STAB1: variants seen among roughly 807,000 people sequenced by gnomAD.
The protein encoded by STAB1 is stabilin 1, also known as stabilin-1.
STAB1 carries 250 observed loss-of-function variants against 332.4 expected under a neutral mutation model. That is an observed-to-expected ratio of 0.75 (90% CI 0.68 to 0.84). The LOEUF (loss-of-function observed/expected upper bound fraction) is 0.84. Among genes scored for constraint, STAB1 ranks in the 40% least tolerant of loss-of-function variants. The probability of loss-of-function intolerance (pLI) is 0.00; values close to 1 mark genes in which losing one functional copy is unlikely to be tolerated. For missense variants in STAB1, 3,249 were observed against 3,489.7 expected, an observed-to-expected ratio of 0.93 and a Z score of 1.74; for synonymous variants, 1,475 against 1,390.4, an observed-to-expected ratio of 1.06 and a Z score of -1.35.
chr3:52,503,157 G>A, intron 7 of STAB1, 48 bp downstream of exon 7: 1 of 1,528,850 alleles, frequency 6.5e-7, no homozygotes, highest in South Asian at 1.2e-5. Context: ...GGCGGGCGGG[G>A]GCTGGGAGAG....
chr3:52,517,886 T>C lies in STAB1; in HGVS notation c.4644T>C (p.Asn1548=), dbSNP rs764007435. The C allele has an allele frequency of 5.0e-6, 8 of 1,612,082 alleles. No individual in the cohort carries two copies. Among genetic ancestry groups the C allele is most frequent in the Non-Finnish European group, 6.8e-6 (8 of 1,179,718 alleles). ...CTCTCCTGTCCCTGACTCAGAACAATGGAGGATGCAGCCCATATGCCACCT... is the reference window on the plus strand; with the variant it reads ...CTCTCCTGTCCCTGACTCAGAACAACGGAGGATGCAGCCCATATGCCACCT... ...CELLDPCSKN[N]GGCSPYATCK... is the part of the protein sequence containing the mutation. The change falls in exon 45 of 69, where the codon AAT becomes AAC. Residue 1548 remains asparagine (N), a synonymous_variant. Coordinates refer to ENST00000321725, the MANE Select transcript of STAB1 (RefSeq NM_015136.3).
chr3:52,519,390 G>C lies in STAB1; in HGVS notation c.5161G>C (p.Ala1721Pro). ...GGCGCTGCACTGGGAGCCTGATGAT[G>C]CTCCCATCCCGAGGGTATGACAAGC... is the stretch of plus-strand genomic sequence containing the variant. ...PEALHWEPDDAPIPRRNVTAA... is the reference protein window; with the variant it reads ...PEALHWEPDDPPIPRRNVTAA... Residue 1721 changes from alanine (A) to proline (P), a missense_variant, in exon 49 of 69, where the codon GCT becomes CCT. Ala to Pro is a conservative substitution (Grantham distance 27). Transcript: ENST00000321725. 6.2e-7 allele frequency: 1 copy of C among 1,613,076 alleles called. No individual in the cohort carries two copies. The highest frequency in any genetic ancestry group is 8.5e-7 in the Non-Finnish European group (1 of 1,179,980).
chr3:52,519,737 G>A, intron 50 of STAB1, 173 bp downstream of exon 50: 2 of 1,160,800 alleles, frequency 1.7e-6, no homozygotes, highest in South Asian at 3.0e-5. Context: ...ACCCCAGGTT[G>A]AGCACATGGG....
chr3:52,512,585 C>G lies in STAB1; in HGVS notation c.2980-11C>G. On this transcript the variant is annotated splice_polypyrimidine_tract_variant and intron_variant, in intron 27 of 68. Coordinates refer to ENST00000321725, the MANE Select transcript of STAB1 (RefSeq NM_015136.3). ...CTGGTCCTGTGACCTCAGACTTTTC[C>G]CTTCCCTTAGGAGCTGGAGGCAAAT... The G allele has an allele frequency of 6.2e-7, 1 of 1,613,916 alleles. No individual in the cohort carries two copies. Among genetic ancestry groups the G allele is most frequent in the Non-Finnish European group, 8.5e-7 (1 of 1,180,008 alleles).
chr3:52,506,347 C>T (rs1708864151), intron 17 of STAB1, 97 bp downstream of exon 17: 3 of 1,123,384 alleles, frequency 2.7e-6, no homozygotes, highest in Admixed American at 2.0e-5. Context: ...CCGTGGTGGG[C>T]AGGACACTGC....
At chr3:52,514,086 C>A (rs1174887707) in intron 32 of STAB1, 29 bp from the exon 33 acceptor site, 16 of 1,609,956 alleles carry the variant, frequency 9.9e-6, no homozygotes, top group Non-Finnish European at 1.4e-5. Context: ...AACTAATATG[C>A]CCATCCCTGA....
intron 10 of STAB1, 21 bp downstream of exon 10, chr3:52,504,176 C>T: frequency 6.4e-7 from 1 of 1,573,218 alleles, no homozygotes; most frequent in East Asian, 2.3e-5. Context: ...CCACTGCTTG[C>T]CCACGACCCG....
rs777489197 is a variant in STAB1 at position 52,522,430 on chromosome 3, C to G, written c.6566C>G (p.Pro2189Arg). The change falls in exon 60 of 69, where the codon CCG becomes CGG. Residue 2189 changes from proline (P) to arginine (R), a missense_variant. By Grantham distance (103) the Pro-to-Arg change is moderately radical. Coordinates refer to ENST00000321725, the MANE Select transcript of STAB1 (RefSeq NM_015136.3). Reference protein sequence around the residue: ...PPVDRCLGQPPPCHSDAMCTD... With the variant: ...PPVDRCLGQPRPCHSDAMCTD... The stretch of plus-strand genomic sequence containing the variant: ...GTGGACCGCTGCTTGGGCCAGCCAC[C>G]GCCCTGCCACTCAGATGCCATGTGC... The G allele has an allele frequency of 1.2e-6, 2 of 1,613,040 alleles. No homozygotes were observed. Among genetic ancestry groups the G allele is most frequent in the Admixed American group, 3.3e-5 (2 of 60,028 alleles).
chr3:52,504,496 C>A lies in STAB1; in HGVS notation c.1186C>A (p.Pro396Thr), dbSNP rs1301920150. Residue 396 changes from proline to threonine, a missense_variant, in exon 11 of 69, where the codon CCT becomes ACT. Pro to Thr is a conservative substitution (Grantham distance 38). Coordinates refer to ENST00000321725, the MANE Select transcript of STAB1 (RefSeq NM_015136.3). ...CCGGGAAATCCTTACCACAGCGGGC[C>A]CTTTCACCGTGCTGGTGCCATCCGT... The part of the protein sequence containing the change: ...GCREILTTAG[P>T]FTVLVPSVSS... The A allele has an allele frequency of 6.2e-7, 1 of 1,613,966 alleles. No individual in the cohort carries two copies. Among genetic ancestry groups the A allele is most frequent in the Non-Finnish European group, 8.5e-7 (1 of 1,180,024 alleles).
Position 52,506,908 on chromosome 3 carries a change from G to A in STAB1, c.1989+58G>A, listed in dbSNP as rs1431365536. ...CACTAACCCCTGTCAGCGCTGGAGC[G>A]GCAATCCTCTTCCCAGGGAGAGGCG... On this transcript the variant is annotated intron_variant, in intron 18 of 68. Transcript: ENST00000321725. 1.3e-5 allele frequency: 20 copies of A among 1,585,844 alleles called. No homozygotes were observed. In the East Asian group the frequency reaches 2.7e-4, roughly 21 times the overall value.
At chr3:52,501,603 C>T (rs199948780) in intron 2 of STAB1, 35 bp from the exon 3 acceptor site, 1 of 1,528,528 alleles carries the variant, frequency 6.5e-7, no homozygotes, top group East Asian at 2.5e-5. Flanking sequence ...TGCAAGGGAG[C>T]CTTTTCCATC....
rs1465193536 is a variant in STAB1 at position 52,523,209 on chromosome 3, T to C, written c.7021-13T>C. 3 of 1,612,962 alleles carry C rather than the reference T, an allele frequency of 1.9e-6. No homozygotes were observed. The Admixed American group carries it at 5.0e-5, about 27-fold the overall frequency. On this transcript the variant is annotated splice_polypyrimidine_tract_variant and intron_variant, in intron 63 of 68. Transcript: ENST00000321725. The stretch of plus-strand genomic sequence containing the variant: ...GGGAGCCTGCTCATAGTTCTGTCTT[T>C]CCACCGTGCCAGATGCTATTGGGCT...
Position 52,518,878 on chromosome 3 carries a change from T to C in STAB1, c.5034+9T>C. 10 of 1,522,842 alleles carry C rather than the reference T, an allele frequency of 6.6e-6. No individual in the cohort carries two copies. Among genetic ancestry groups the C allele is most frequent in the African/African-American group, 2.9e-5 (2 of 70,134 alleles). 94.3% of individuals were successfully genotyped at this position (1,522,842 alleles called of 1,614,324 possible). A position where few individuals can be genotyped will look rare whatever the true frequency, so the allele number is the denominator to read the frequency against. On this transcript the variant is annotated intron_variant, in intron 48 of 68. Coordinates refer to ENST00000321725, the MANE Select transcript of STAB1 (RefSeq NM_015136.3). ...GCTTCAGCGAGAGGGAGGTGAGCCC[T>C]GGCCCTGGCCTGCCCCGCTCCATCC... is the stretch of plus-strand genomic sequence containing the variant.
rs754120598 is a variant in STAB1 at position 52,503,482 on chromosome 3, A to G, written c.833A>G (p.Asp278Gly). 61 of 1,613,740 alleles carry G rather than the reference A, an allele frequency of 3.8e-5. No homozygotes were observed. Among genetic ancestry groups the G allele is most frequent in the Admixed American group, 5.0e-5 (3 of 60,020 alleles). ...MVCLPKDPCT[D>G]NLGGCPSNST... ...TGTCTGCCCAAGGACCCATGCACTGACAACCTTGGTGGCTGCCCCAGCAAC... is the reference window on the plus strand; with the variant it reads ...TGTCTGCCCAAGGACCCATGCACTGGCAACCTTGGTGGCTGCCCCAGCAAC... Residue 278 changes from aspartate (D) to glycine (G), a missense_variant, in exon 8 of 69, where the codon GAC becomes GGC. Physicochemically the swap from Asp to Gly is moderately conservative, Grantham distance 94. Transcript: ENST00000321725.
Position 52,517,827 on chromosome 3 carries a change from G to A in STAB1, c.4639-54G>A, listed in dbSNP as rs866527593. On this transcript the variant is annotated intron_variant, in intron 44 of 68. Coordinates refer to ENST00000321725, the MANE Select transcript of STAB1 (RefSeq NM_015136.3). ...ATGGCCTCTTTCACAGGGCTGAGTG[G>A]GATAGAGAAGTAGTGAAAGCCACTG... The A allele has an allele frequency of 1.1e-5, 17 of 1,610,938 alleles. No homozygotes were observed. In the Middle Eastern group the frequency reaches 1.8e-3, roughly 173 times the overall value.
In STAB1 at chr3:52,504,163, AC is replaced by A; in HGVS notation, c.1150+12del. 1 of 1,583,300 alleles carries A rather than the reference AC, an allele frequency of 6.3e-7. No homozygotes were observed. The highest frequency in any genetic ancestry group is 8.6e-7 in the Non-Finnish European group (1 of 1,168,412). ...TCGCCGTGGCCATGATGGGTGCGTG[AC>A]CCCACTGCTTGCCCACGACCCGACC... is the stretch of plus-strand genomic sequence containing the variant. On this transcript the variant is annotated intron_variant, in intron 10 of 68. Coordinates refer to ENST00000321725, the MANE Select transcript of STAB1 (RefSeq NM_015136.3).
rs200562907 is a variant in STAB1 at position 52,516,525 on chromosome 3, A to G, written c.4241-17A>G. ...TTCCTGGGTCTGAATGACCAGAGTCATCCTCCTGCCCCCCAGAAATCACCA... is the reference window on the plus strand; with the variant it reads ...TTCCTGGGTCTGAATGACCAGAGTCGTCCTCCTGCCCCCCAGAAATCACCA... On this transcript the variant is annotated splice_polypyrimidine_tract_variant and intron_variant, in intron 39 of 68. Coordinates refer to ENST00000321725, the MANE Select transcript of STAB1 (RefSeq NM_015136.3). 4.3e-6 allele frequency: 7 copies of G among 1,613,374 alleles called. No individual in the cohort carries two copies. Among genetic ancestry groups the G allele is most frequent in the Non-Finnish European group, 5.1e-6 (6 of 1,179,962 alleles).
chr3:52,496,248 C>A (rs1384917629), intron 1 of STAB1, among the ~76,000 whole-genome samples: 2 of 152,256 alleles, frequency 1.3e-5, no homozygotes, highest in Non-Finnish European at 2.9e-5. Context: ...AGGCTCCTGG[C>A]TGCAGGTCTG....
At chr3:52,521,077 T>C in intron 55 of STAB1, 72 bp downstream of exon 55, 4 of 1,452,816 alleles carry the variant, frequency 2.8e-6, no homozygotes, top group Non-Finnish European at 3.6e-6. Flanking sequence ...CTGGCCATTG[T>C]CCTTGAGAGA....
Sources: gnomAD v4.1 joint callset for allele counts (sites outside exome capture counted in the v4.1 genomes callset) on GRCh38, gnomAD v4.1.1 for gene constraint, MANE v1.5 for transcripts, NCBI Gene and HGNC (gene_info 2026-07-23, HGNC 2026-07-21) for gene names.